Variants in TTPA observed in about 807,000 individuals in gnomAD.
TTPA encodes alpha-tocopherol transfer protein.
In TTPA, 23 loss-of-function variants were observed where a neutral mutation model predicts 25.9. That is an observed-to-expected ratio of 0.89 (90% CI 0.64 to 1.26). The LOEUF is 1.26. Among genes scored for constraint, TTPA ranks in the 50% most tolerant of loss-of-function variants. The pLI is 0.00. For missense variants in TTPA, 337 were observed against 353.1 expected (o/e 0.95, Z 0.37); for synonymous variants, 148 against 137.3 (o/e 1.08, Z -0.54).
At chr8:63,077,768 G>A (rs1805587112) in intron 1 of TTPA, among the ~76,000 whole-genome samples, 1 of 152,220 alleles carries the variant, frequency 6.6e-6, no homozygotes, top group Non-Finnish European at 1.5e-5. Flanking sequence ...AGCTTCTGCA[G>A]ACTTAAACGT....
Position 63,065,820 on chromosome 8 carries a change from T to C in TTPA, c.552+84A>G. 3 of 1,409,264 alleles carry C rather than the reference T, an allele frequency of 2.1e-6. No individual in the cohort carries two copies. In the South Asian group the frequency reaches 3.7e-5, roughly 17 times the overall value. 87.3% of individuals were successfully genotyped at this position (1,409,264 alleles called of 1,614,324 possible). On this transcript the variant is annotated intron_variant, in intron 3 of 4. Coordinates refer to ENST00000260116, the MANE Select transcript of TTPA (RefSeq NM_000370.3). ...TATTTAAATTTCTAACAAATGTACTTTTGCTTCTCTTTGTCTAACATATAA... is the reference window on the plus strand; with the variant it reads ...TATTTAAATTTCTAACAAATGTACTCTTGCTTCTCTTTGTCTAACATATAA...
chr8:63,072,823 C>T, intron 2 of TTPA, 112 bp downstream of exon 2: 8 of 1,297,884 alleles, frequency 6.2e-6, no homozygotes, highest in Non-Finnish European at 6.5e-6. Flanking sequence ...TGCATTGAAG[C>T]TTTCTATATG....
chr8:63,072,870 A>T, intron 2 of TTPA, 65 bp downstream of exon 2: 1 of 1,564,122 alleles, frequency 6.4e-7, no homozygotes, highest in Admixed American at 1.7e-5. Context: ...AGAGAAGAGG[A>T]GAGGGGAGGG....
downstream of TTPA, among the ~76,000 whole-genome samples, chr8:63,058,963 A>T (rs571254166): frequency 6.7e-6 from 1 of 149,794 alleles, no homozygotes; most frequent in African/African-American, 2.4e-5. Flanking sequence ...AATTTTAAAT[A>T]GTATGCTTTT....
Position 63,085,814 on chromosome 8 carries a change from T to C in TTPA, c.204+4A>G, listed in dbSNP as rs1462875858. ...TGCCGAGCGCCCTGGGCACGCACGC[T>C]TACCCGCCAGGCCAGGTCCAGATCG... On this transcript the variant is annotated splice_donor_region_variant and intron_variant, in intron 1 of 4. Coordinates refer to ENST00000260116, the MANE Select transcript of TTPA (RefSeq NM_000370.3). 1.3e-6 allele frequency: 2 copies of C among 1,534,770 alleles called. No homozygotes were observed. The highest frequency in any genetic ancestry group is 1.4e-5 in the African/African-American group (1 of 72,448).
rs557966488 is a variant in TTPA at position 63,085,918 on chromosome 8, G to A, written c.104C>T (p.Ala35Val). Residue 35 changes from alanine (A) to valine (V), a missense_variant, in exon 1 of 5, where the codon GCC becomes GTC. Transcript: ENST00000260116. Reference protein sequence around the residue: ...QPGLAALRRRAREAGVPLAPL... With the variant: ...QPGLAALRRRVREAGVPLAPL... ...CGCGAGCGGGACGCCAGCTTCCCGG[G>A]CCCGGCGCCGCAGCGCCGCCAGGCC... 3 of 1,523,670 alleles carry A rather than the reference G, an allele frequency of 2.0e-6. No individual in the cohort carries two copies. Among genetic ancestry groups the A allele is most frequent in the South Asian group, 2.4e-5 (2 of 82,650 alleles). The allele number at this position is 1,523,670 out of a possible 1,614,324, so 94.4% of individuals were successfully genotyped here.
chr8:63,071,585 T>C (rs1411405381), intron 2 of TTPA, among the ~76,000 whole-genome samples: 2 of 152,240 alleles, frequency 1.3e-5, no homozygotes, highest in African/African-American at 4.8e-5. Context: ...ACTGCTATGA[T>C]CTGAATGTTT....
intron 2 of TTPA, 41 bp from the exon 3 acceptor site, chr8:63,066,138 A>G (rs1430174249): frequency 6.3e-7 from 1 of 1,576,380 alleles, no homozygotes; most frequent in Admixed American, 1.7e-5. Flanking sequence ...CATTGTGTAA[A>G]AAATCAGAAA....
chr8:63,069,561 C>T (rs1805450178), intron 2 of TTPA, among the ~76,000 whole-genome samples: 1 of 151,828 alleles, frequency 6.6e-6, no homozygotes, highest in East Asian at 1.9e-4. Flanking sequence ...GAATGCATCT[C>T]TAAAAAATAA....
chr8:63,080,339 A>T (rs1585695197), intron 1 of TTPA, among the ~76,000 whole-genome samples: 1 of 152,346 alleles, frequency 6.6e-6, no homozygotes, highest in Non-Finnish European at 1.5e-5. Flanking sequence ...ACTGAAAGAG[A>T]TAGAGATACA....
At chr8:63,061,530 TATAA>T (rs1434251232) in intron 4 of TTPA, 105 bp from the exon 5 acceptor site, 2 of 925,516 alleles carry the variant, frequency 2.2e-6, no homozygotes, top group Admixed American at 4.2e-5. Flanking sequence ...AAATGGAGTG[TATAA>T]ATAGATACCA....
Position 63,085,927 on chromosome 8 carries a change from C to T in TTPA, c.95G>A (p.Arg32Gln), listed in dbSNP as rs780199989. Residue 32 changes from arginine to glutamine, a missense_variant, in exon 1 of 5, where the codon CGG becomes CAG. By Grantham distance (43) the Arg-to-Gln change is conservative. Transcript: ENST00000260116. The stretch of plus-strand genomic sequence containing the variant: ...GACGCCAGCTTCCCGGGCCCGGCGC[C>T]GCAGCGCCGCCAGGCCCGGCTGCAG... ...PLLQPGLAAL[R>Q]RRAREAGVPL... is the part of the protein sequence containing the mutation. 6.6e-6 allele frequency: 10 copies of T among 1,520,534 alleles called. No individual in the cohort carries two copies. In the African/African-American group the frequency reaches 1.4e-4, roughly 22 times the overall value. 94.2% of individuals were successfully genotyped at this position (1,520,534 alleles called of 1,614,324 possible).
chr8:63,071,299 C>T (rs557854491), intron 2 of TTPA, among the ~76,000 whole-genome samples: 1 of 152,162 alleles, frequency 6.6e-6, no homozygotes, highest in Non-Finnish European at 1.5e-5. Context: ...AAATTAAATA[C>T]AGTAACTTCT....
intron 1 of TTPA, among the ~76,000 whole-genome samples, chr8:63,077,915 G>A (rs1234740928): frequency 1.3e-5 from 2 of 152,156 alleles, no homozygotes; most frequent in South Asian, 2.1e-4. Context: ...AGTAGGGGCC[G>A]ACAGACACCT....
At chr8:63,077,663 G>T (rs1563364590) in intron 1 of TTPA, among the ~76,000 whole-genome samples, 1 of 152,232 alleles carries the variant, frequency 6.6e-6, no homozygotes, top group Admixed American at 6.5e-5. Context: ...CCAAAAGCTC[G>T]AACTGGGTGG....
intron 2 of TTPA, 48 bp downstream of exon 2, chr8:63,072,887 A>C (rs770928018): frequency 6.2e-7 from 1 of 1,608,766 alleles, no homozygotes; most frequent in African/African-American, 1.3e-5. Flanking sequence ...AGGGAACACA[A>C]CTGAACTGGA....
intron 3 of TTPA, among the ~76,000 whole-genome samples, chr8:63,065,610 T>G (rs979216460): frequency 6.6e-6 from 1 of 152,152 alleles, no homozygotes; most frequent in South Asian, 2.1e-4. Flanking sequence ...TTTAATCAAT[T>G]TTTAATTTAG....
intron 1 of TTPA, among the ~76,000 whole-genome samples, chr8:63,076,798 T>C (rs999890332): frequency 6.6e-6 from 1 of 152,206 alleles, no homozygotes; most frequent in African/African-American, 2.4e-5. Flanking sequence ...GTTTTCATAT[T>C]CAGTAGTTAC....
intron 1 of TTPA, among the ~76,000 whole-genome samples, chr8:63,080,443 C>T (rs987348582): frequency 6.6e-6 from 1 of 151,872 alleles, no homozygotes; most frequent in African/African-American, 2.4e-5. Context: ...TAAAGAAGGC[C>T]GGGCATGGTG....
Sources: gnomAD v4.1 joint callset for allele counts (sites outside exome capture counted in the v4.1 genomes callset) on GRCh38, gnomAD v4.1.1 for gene constraint, MANE v1.5 for transcripts, NCBI Gene and HGNC (gene_info 2026-07-23, HGNC 2026-07-21) for gene names.